SKAP1: variants seen among roughly 807,000 people sequenced by gnomAD.
SKAP1 encodes the protein src kinase associated phosphoprotein 1.
SKAP1 carries 44 observed loss-of-function variants against 58.5 expected under a neutral mutation model. That is an observed-to-expected ratio of 0.75 (90% confidence interval 0.59 to 0.97). The LOEUF (loss-of-function observed/expected upper bound fraction) is 0.97, where lower values mean the gene tolerates loss of function less well. Ranked by LOEUF, SKAP1 falls within the 50% of genes least tolerant of loss-of-function variation. The pLI, the probability that SKAP1 is intolerant of heterozygous loss-of-function variation, is 0.00. For synonymous variants in SKAP1, 127 were observed against 149.7 expected (o/e 0.85, Z 1.11); for missense variants, 390 against 435.2 (o/e 0.90, Z 0.92).
At chr17:48,347,790 A>G (rs919776239) in intron 3 of SKAP1, among the ~76,000 whole-genome samples, 1 of 152,234 alleles carries the variant, frequency 6.6e-6, no homozygotes, top group Non-Finnish European at 1.5e-5. Context: ...CAAATTTTAC[A>G]TCACTGGAAG....
At chr17:48,317,761 T>C (rs898653610) in intron 4 of SKAP1, among the ~76,000 whole-genome samples, 2 of 152,194 alleles carry the variant, frequency 1.3e-5, no homozygotes, top group African/African-American at 4.8e-5. Context: ...ATATGTGTTT[T>C]ATGCTTATCA....
chr17:48,134,644 G>A (rs2063676571), intron 12 of SKAP1, among the ~76,000 whole-genome samples: 1 of 151,994 alleles, frequency 6.6e-6, no homozygotes, highest in Admixed American at 6.6e-5. Context: ...AGATTTGTTG[G>A]GCCAAAGACA....
intron 2 of SKAP1, among the ~76,000 whole-genome samples, chr17:48,391,214 T>C (rs907466974): frequency 6.6e-6 from 1 of 152,206 alleles, no homozygotes; most frequent in African/African-American, 2.4e-5. Context: ...ATGGTCATTA[T>C]TACATTAAAA....
chr17:48,162,499 T>C lies in SKAP1; in HGVS notation c.948A>G (p.Gln316=). The C allele has an allele frequency of 1.9e-6, 3 of 1,614,002 alleles. No homozygotes were observed. Among genetic ancestry groups the C allele is most frequent in the Non-Finnish European group, 1.7e-6 (2 of 1,179,910 alleles). ...TCAGAATACGGATGAGGTCACCCCGTTGGAAGGACAGTTCATCTGGCTGGT... is the reference window on the plus strand; with the variant it reads ...TCAGAATACGGATGAGGTCACCCCGCTGGAAGGACAGTTCATCTGGCTGGT... The part of the protein sequence containing the change: ...HGDQPDELSF[Q]RGDLIRILSK... Residue 316 remains glutamine (Q), a synonymous_variant, in exon 11 of 13, where the codon CAA becomes CAG. Transcript: ENST00000336915.
intron 1 of SKAP1, among the ~76,000 whole-genome samples, chr17:48,422,141 G>A: frequency 6.6e-6 from 1 of 152,154 alleles, no homozygotes; most frequent in Admixed American, 6.5e-5. Context: ...AACCCAGGAG[G>A]CAGAGGTTGC....
At chr17:48,410,958 G>A (rs956617831) in intron 1 of SKAP1, among the ~76,000 whole-genome samples, 645 of 89,804 alleles carry the variant, frequency 7.2e-3, no homozygotes, top group Non-Finnish European at 9.4e-3. Context: ...AAAAAAAAAA[G>A]AAAGGGGCAC....
At chr17:48,361,075 T>TA (rs1270724296) in intron 3 of SKAP1, among the ~76,000 whole-genome samples, 1 of 45,738 alleles carries the variant, frequency 2.2e-5, no homozygotes, top group Non-Finnish European at 5.2e-5. Flanking sequence ...TGTACTGTAC[T>TA]ATACTATACT....
intron 10 of SKAP1, among the ~76,000 whole-genome samples, chr17:48,166,999 G>A (rs1025394829): frequency 2.6e-5 from 4 of 151,968 alleles, no homozygotes; most frequent in Non-Finnish European, 5.9e-5. Flanking sequence ...TGAGTAGCTG[G>A]GACTACAGGT....
intron 2 of SKAP1, among the ~76,000 whole-genome samples, chr17:48,366,145 G>A (rs2066998798): frequency 6.6e-6 from 1 of 152,132 alleles, no homozygotes; most frequent in African/African-American, 2.4e-5. Flanking sequence ...GCTTCTTCAG[G>A]GAAGAGTATC....
At chr17:48,315,275 A>G (rs1317819635) in intron 4 of SKAP1, among the ~76,000 whole-genome samples, 3 of 152,214 alleles carry the variant, frequency 2.0e-5, no homozygotes, top group Admixed American at 6.5e-5. Context: ...GGGGTTGAGC[A>G]TGCTCTGAAA....
At chr17:48,372,305 TA>T (rs2067097910) in intron 2 of SKAP1, among the ~76,000 whole-genome samples, 1 of 150,618 alleles carries the variant, frequency 6.6e-6, no homozygotes, top group South Asian at 2.1e-4. Flanking sequence ...TGTGTTATTT[TA>T]TTTATTTATT....
intron 4 of SKAP1, among the ~76,000 whole-genome samples, chr17:48,244,930 A>G (rs2065279410): frequency 6.6e-6 from 1 of 152,256 alleles, no homozygotes; most frequent in Admixed American, 6.5e-5. Context: ...AACCTGGACC[A>G]TAATCGTAGA....
At chr17:48,392,421 A>G (rs1349099493) in intron 2 of SKAP1, among the ~76,000 whole-genome samples, 2 of 152,190 alleles carry the variant, frequency 1.3e-5, no homozygotes, top group Non-Finnish European at 1.5e-5. Flanking sequence ...GAACTCCTTC[A>G]GCATTACTAA....
chr17:48,221,741 A>G (rs2065008711), intron 4 of SKAP1, among the ~76,000 whole-genome samples: 1 of 152,240 alleles, frequency 6.6e-6, no homozygotes. Flanking sequence ...TAAGAAATCC[A>G]CAAGGTTGCC....
rs549695815 is a variant in SKAP1 at position 48,232,348 on chromosome 17, G to A, written c.281-42848C>T. On this transcript the variant is annotated intron_variant, in intron 4 of 12. Coordinates refer to ENST00000336915, the MANE Select transcript of SKAP1 (RefSeq NM_003726.4). ...TTTGTAACTGCTGATTGATTTCTAT[G>A]AGTGCAAAGATACCACCAGGTGGGT... Among the ~76,000 whole-genome samples, 145 of 152,322 alleles carry A rather than the reference G, an allele frequency of 9.5e-4. 1 individual carries two copies. The highest frequency in any genetic ancestry group is 2.7e-3 in the African/African-American group (114 of 41,556).
In SKAP1 at chr17:48,189,427, G is replaced by C; in HGVS notation, c.354C>G (p.Ser118Arg). 1 of 1,611,496 alleles carries C rather than the reference G, an allele frequency of 6.2e-7. No homozygotes were observed. The highest frequency in any genetic ancestry group is 8.5e-7 in the Non-Finnish European group (1 of 1,178,352). ...VIKQGYLEKK[S>R]KDHSFFGSEW... ...ATCTGTGGGTCTGACCAATACCTTT[G>C]CTTTTCTTCTCCAAGTATCCTTGCT... The change falls in exon 5 of 13, where the codon AGC becomes AGG. Residue 118 changes from serine to arginine, a missense_variant. Transcript: ENST00000336915.
chr17:48,138,653 A>G (rs994419081), intron 11 of SKAP1, among the ~76,000 whole-genome samples: 2 of 152,006 alleles, frequency 1.3e-5, no homozygotes, highest in Non-Finnish European at 2.9e-5. Context: ...TACAAGCGTG[A>G]GCCACTGCGC....
chr17:48,249,979 C>A (rs2065343351), intron 4 of SKAP1, among the ~76,000 whole-genome samples: 1 of 151,708 alleles, frequency 6.6e-6, no homozygotes, highest in African/African-American at 2.4e-5. Context: ...CTGGTTGGAG[C>A]TGTTGCTTTC....
At chr17:48,329,974 G>A (rs2066484265) in intron 4 of SKAP1, among the ~76,000 whole-genome samples, 1 of 152,166 alleles carries the variant, frequency 6.6e-6, no homozygotes, top group African/African-American at 2.4e-5. Context: ...GCATGTGGTA[G>A]GCATTCAATA....
Sources: allele counts gnomAD v4.1 joint callset (sites outside exome capture counted in the v4.1 genomes callset), GRCh38; gene constraint gnomAD v4.1.1; transcripts MANE v1.5; gene names NCBI Gene and HGNC (gene_info 2026-07-23, HGNC 2026-07-21).